Variants in ATG3 observed in about 807,000 individuals in gnomAD.
The protein encoded by ATG3 is ubiquitin-like-conjugating enzyme ATG3.
A neutral mutation model predicts 50.7 loss-of-function variants in ATG3; 25 were observed. The observed-to-expected ratio is 0.49, with a 90% CI of 0.36 to 0.69. The LOEUF (loss-of-function observed/expected upper bound fraction) is 0.69, where lower values mean the gene tolerates loss of function less well. ATG3 is among the 30% of genes least tolerant of loss of function. The probability of loss-of-function intolerance (pLI) is 0.00; values close to 1 mark genes in which losing one functional copy is unlikely to be tolerated. For synonymous variants in ATG3, 119 were observed against 125.5 expected (o/e 0.95, Z 0.34); for missense variants, 281 against 376.0 (o/e 0.75, Z 2.09).
At chr3:112,538,819 G>C (rs886777985) in intron 7 of ATG3, among the ~76,000 whole-genome samples, 18 of 152,086 alleles carry the variant, frequency 1.2e-4, no homozygotes, top group African/African-American at 4.3e-4. Flanking sequence ...CCTGCCTGCG[G>C]ACTTGGATTA....
In ATG3 at chr3:112,548,542, G is replaced by GAT. The variant is rs1467829194; in HGVS notation, c.332_333dup (p.His112IlefsTer9). 1 of 1,608,144 alleles carries GAT rather than the reference G, an allele frequency of 6.2e-7. No individual in the cohort carries two copies. The highest frequency in any genetic ancestry group is 8.5e-7 in the Non-Finnish European group (1 of 1,174,856). On this transcript the variant is annotated frameshift_variant, in exon 5 of 12. Transcript: ENST00000283290. LOFTEE classifies it high-confidence loss of function. ...TTTATTCTCCTCTTACCTGTGTTGTGATATGTATCTACCCATCCGCCATCA... is the reference window on the plus strand; with the variant it reads ...TTTATTCTCCTCTTACCTGTGTTGTGATATATGTATCTACCCATCCGCCATCA...
chr3:112,544,813 T>C (rs1392165370), intron 5 of ATG3, among the ~76,000 whole-genome samples: 4 of 152,108 alleles, frequency 2.6e-5, no homozygotes, highest in Non-Finnish European at 5.9e-5. Context: ...CAGAAGTATT[T>C]CTGATTTTTT....
At chr3:112,550,356 A>C (rs1198442855) in intron 3 of ATG3, 94 bp from the exon 4 acceptor site, 2 of 1,035,686 alleles carry the variant, frequency 1.9e-6, no homozygotes, top group African/African-American at 3.3e-5. Context: ...AAAATGATAT[A>C]ATCCATAATT....
chr3:112,544,031 T>TA, intron 6 of ATG3, 26 bp downstream of exon 6: 1 of 1,532,960 alleles, frequency 6.5e-7, no homozygotes, highest in Non-Finnish European at 9.0e-7. Context: ...TCATTAAATT[T>TA]AAAAATATAA....
chr3:112,533,487 GTTC>G, intron 11 of ATG3: 1 of 985,274 alleles, frequency 1.0e-6, no homozygotes, highest in Non-Finnish European at 1.2e-6. Context: ...TCAGTTCAAA[GTTC>G]TTCTTAGGGA....
At chr3:112,541,168 C>T (rs1933213537) in intron 7 of ATG3, among the ~76,000 whole-genome samples, 1 of 152,050 alleles carries the variant, frequency 6.6e-6, no homozygotes, top group Non-Finnish European at 1.5e-5. Flanking sequence ...GGTGGGCGAT[C>T]ATGAGGTTAA....
intron 5 of ATG3, among the ~76,000 whole-genome samples, chr3:112,544,385 G>A (rs561466487): frequency 6.6e-6 from 1 of 152,160 alleles, no homozygotes; most frequent in Non-Finnish European, 1.5e-5. Flanking sequence ...GCCAGGTGCG[G>A]TGGATCACGC....
chr3:112,561,654 G>GGGGACGGGACGCGACGCGAC lies in ATG3; in HGVS notation c.-146_-127dup, dbSNP rs1553740148. 2 of 988,380 alleles carry GGGGACGGGACGCGACGCGAC rather than the reference G, an allele frequency of 2.0e-6. No individual in the cohort carries two copies. The highest frequency in any genetic ancestry group is 3.3e-5 in the African/African-American group (2 of 60,118). 61.2% of individuals were successfully genotyped at this position (988,380 alleles called of 1,614,324 possible). ...TCAGCACCCGGCTGGCAGCACCCGA[G>GGGGACGGGACGCGACGCGAC]GGGACGGGACGCGACGCGACGGGAC... is the stretch of plus-strand genomic sequence containing the variant. On this transcript the variant is annotated 5_prime_UTR_variant, in exon 1 of 12. Coordinates refer to ENST00000283290, the MANE Select transcript of ATG3 (RefSeq NM_022488.5).
At chr3:112,557,959 CTCT>C (rs1933734784) in intron 2 of ATG3, among the ~76,000 whole-genome samples, 1 of 152,116 alleles carries the variant, frequency 6.6e-6, no homozygotes, top group Non-Finnish European at 1.5e-5. Context: ...CGAAATAGAA[CTCT>C]TAAGAGAAAA....
intron 2 of ATG3, among the ~76,000 whole-genome samples, chr3:112,557,271 C>T (rs1933713186): frequency 6.6e-6 from 1 of 152,122 alleles, no homozygotes; most frequent in Non-Finnish European, 1.5e-5. Context: ...CTGTATTCCG[C>T]CTGCCTCTGC....
chr3:112,548,718 G>T, intron 4 of ATG3, 78 bp from the exon 5 acceptor site: 1 of 1,278,356 alleles, frequency 7.8e-7, no homozygotes, highest in Non-Finnish European at 1.1e-6. Context: ...AGAGAGCTTA[G>T]TCCATAAAAT....
At chr3:112,540,631 GA>G (rs11418937) in intron 7 of ATG3, among the ~76,000 whole-genome samples, 1,647 of 145,084 alleles carry the variant, frequency 0.011, 28 homozygotes, top group African/African-American at 0.038. Flanking sequence ...TAAGCAAGGG[GA>G]AAAAAAAAAG....
rs146043292 is a variant in ATG3, at chr3:112,558,466, A to G, written c.73-49T>C. 2.5e-4 allele frequency: 353 copies of G among 1,414,516 alleles called. 1 individual carries two copies. The East Asian group carries it at 6.7e-3, about 27-fold the overall frequency. 87.6% of individuals were successfully genotyped at this position (1,414,516 alleles called of 1,614,324 possible). A position where few individuals can be genotyped will look rare whatever the true frequency, so the allele number is the denominator to read the frequency against. On this transcript the variant is annotated intron_variant, in intron 1 of 11. Coordinates refer to ENST00000283290, the MANE Select transcript of ATG3 (RefSeq NM_022488.5). ...AATATTATATCATGTTTCACTATCA[A>G]TTAAATATATTTTGGGGGCAATTAT...
intron 9 of ATG3, 96 bp downstream of exon 9, chr3:112,537,639 A>T (rs1290727178): frequency 2.2e-6 from 2 of 904,824 alleles, no homozygotes. Flanking sequence ...CAAAATGTGA[A>T]ACACTGCAAT....
In ATG3 at chr3:112,532,723, G is replaced by T; in HGVS notation, c.921C>A (p.Asp307Glu). The T allele has an allele frequency of 1.3e-6, 2 of 1,598,784 alleles. No individual in the cohort carries two copies. Among genetic ancestry groups the T allele is most frequent in the Non-Finnish European group, 8.5e-7 (1 of 1,171,974 alleles). Reference protein sequence around the residue: ...VQAVIPTIEYDYTRHFTM With the variant: ...VQAVIPTIEYEYTRHFTM ...ATTACATTGTGAAGTGTCTTGTGTA[G>T]TCATATTCTATTGTTGGAATGACAG... The change falls in exon 12 of 12, where the codon GAC becomes GAA. Residue 307 changes from aspartate (D) to glutamate (E), a missense_variant. This residue lies in a region of ATG3 where 242 missense variants were observed against 305.0 expected (regional missense o/e 0.79). Coordinates refer to ENST00000283290, the MANE Select transcript of ATG3 (RefSeq NM_022488.5).
At chr3:112,549,826 T>G (rs1426250498) in intron 4 of ATG3, among the ~76,000 whole-genome samples, 4 of 147,000 alleles carry the variant, frequency 2.7e-5, no homozygotes, top group African/African-American at 9.8e-5. Context: ...AACCACTACC[T>G]GTTTCAAAAT....
intron 3 of ATG3, among the ~76,000 whole-genome samples, chr3:112,550,867 T>C (rs1933507786): frequency 1.3e-5 from 2 of 152,248 alleles, no homozygotes; most frequent in African/African-American, 4.8e-5. Flanking sequence ...AACATGTTAT[T>C]TTCAATTAGT....
chr3:112,545,647 C>A (rs116045072), intron 5 of ATG3, among the ~76,000 whole-genome samples: 1,654 of 152,048 alleles, frequency 0.011, 28 homozygotes, highest in African/African-American at 0.037. Flanking sequence ...GAATTGACTG[C>A]GGAACATAAA....
chr3:112,560,885 T>C (rs756130402), intron 1 of ATG3, among the ~76,000 whole-genome samples: 1 of 152,156 alleles, frequency 6.6e-6, no homozygotes, highest in Non-Finnish European at 1.5e-5. Flanking sequence ...TCTGAAAAGC[T>C]TGGGAAAAAG....
Sources: allele counts gnomAD v4.1 joint callset (sites outside exome capture counted in the v4.1 genomes callset), GRCh38; gene constraint gnomAD v4.1.1; regional missense constraint gnomAD v4.1.1; transcripts MANE v1.5; gene names NCBI Gene and HGNC (gene_info 2026-07-23, HGNC 2026-07-21).